FARP1: variants seen among roughly 807,000 people sequenced by gnomAD.
FARP1 encodes the protein FERM, ARHGEF and pleckstrin domain-containing protein 1.
FARP1 carries 52 observed loss-of-function variants against 128.8 expected under a neutral mutation model. That is an observed-to-expected ratio of 0.40 (90% confidence interval 0.32 to 0.51). FARP1 has a LOEUF of 0.51. Among genes scored for constraint, FARP1 ranks in the 20% least tolerant of loss-of-function variants. The probability of loss-of-function intolerance (pLI) is 0.45; values close to 1 mark genes in which losing one functional copy is unlikely to be tolerated. For synonymous variants in FARP1, 580 were observed against 551.8 expected (o/e 1.05, Z -0.72); for missense variants, 1,333 against 1,367.9 (o/e 0.97, Z 0.40).
chr13:98,441,012 T>G (rs1262420657), intron 24 of FARP1, among the ~76,000 whole-genome samples, 176 bp downstream of exon 24: 3 of 152,208 alleles, frequency 2.0e-5, no homozygotes, highest in Non-Finnish European at 4.4e-5. Context: ...GCCGGAGGTA[T>G]CCCTGCAGGG....
At chr13:98,424,496 G>A (rs1891705311) in intron 16 of FARP1, 76 bp from the exon 17 acceptor site, 1 of 902,992 alleles carries the variant, frequency 1.1e-6, no homozygotes, top group Non-Finnish European at 1.9e-6. Context: ...GGAAGCGGTA[G>A]GCTGATATTT....
At chr13:98,328,114 GGT>G (rs1445221704) in intron 2 of FARP1, 1 of 152,180 alleles carries the variant, frequency 6.6e-6, no homozygotes, top group Non-Finnish European at 1.5e-5. Context: ...CCCACAGGCT[GGT>G]GGAATGCTGG....
chr13:98,420,266 T>C (rs915615752), intron 16 of FARP1, among the ~76,000 whole-genome samples: 1 of 152,188 alleles, frequency 6.6e-6, no homozygotes, highest in African/African-American at 2.4e-5. Flanking sequence ...ACAAAAGTGT[T>C]TCCTGGCAGT....
intron 12 of FARP1, 81 bp from the exon 13 acceptor site, chr13:98,395,146 C>T: frequency 1.3e-6 from 2 of 1,486,952 alleles, no homozygotes; most frequent in Middle Eastern, 1.8e-4. Context: ...TCTTGCCTGG[C>T]TCTCCTTTTC....
intron 2 of FARP1, among the ~76,000 whole-genome samples, chr13:98,318,249 T>G (rs141946472): frequency 6.6e-6 from 1 of 151,770 alleles, no homozygotes; most frequent in Non-Finnish European, 1.5e-5. Flanking sequence ...TGTGGAGATA[T>G]GGTCTCCCTG....
chr13:98,178,639 G>A (rs969155668), intron 1 of FARP1, among the ~76,000 whole-genome samples: 6 of 152,030 alleles, frequency 3.9e-5, no homozygotes, highest in Non-Finnish European at 7.4e-5. Flanking sequence ...TCTAATTTAG[G>A]TTCTATCTCT....
rs145975295 is a variant in FARP1 at position 98,255,222 on chromosome 13, G to A, written c.171+41809G>A. 7.2e-3 allele frequency among the ~76,000 whole-genome samples: 1,097 copies of A among 152,160 alleles called. 4 individuals carry two copies. Among genetic ancestry groups the A allele is most frequent in the Middle Eastern group, 0.017 (5 of 294 alleles). ...AAATGTAAAAGTGGTTGCTGTGGCC[G>A]GGCACGGTGGCTCACGCCTGTAATC... is the stretch of plus-strand genomic sequence containing the variant. On this transcript the variant is annotated intron_variant, in intron 2 of 26. Transcript: ENST00000319562.
intron 2 of FARP1, chr13:98,245,286 A>C: frequency 1.0e-6 from 1 of 985,380 alleles, no homozygotes; most frequent in Non-Finnish European, 1.2e-6. Context: ...AAAGGCGAAT[A>C]AAGTCAGATC....
rs567821799 is a variant in FARP1 at position 98,431,072 on chromosome 13, C to T, written c.1935C>T (p.Ser645=). 48 of 1,613,840 alleles carry T rather than the reference C, an allele frequency of 3.0e-5. No individual in the cohort carries two copies. Among genetic ancestry groups the T allele is most frequent in the Non-Finnish European group, 3.6e-5 (43 of 1,179,908 alleles). Residue 645 remains serine, a synonymous_variant, in exon 18 of 27, where the codon AGC becomes AGT. Transcript: ENST00000319562. ...KHLAAHLWKH[S]EALEALENGI... ...TGGCGGCTCACCTGTGGAAGCACAG[C>T]GAGGCCTTGGAGGCCCTGGAGAATG...
rs1344930121 is a variant in FARP1, at chr13:98,379,065, TA to T, written c.496+1149del. Among the ~76,000 whole-genome samples the T allele has an allele frequency of 1.6e-4, 14 of 85,428 alleles. 4 individuals are homozygous for T. Among genetic ancestry groups the T allele is most frequent in the African/African-American group, 8.2e-4 (14 of 17,106 alleles). The allele number at this position is 85,428 out of a possible 152,430, so 56.0% of individuals were successfully genotyped here. A position where few individuals can be genotyped will look rare whatever the true frequency, so the allele number is the denominator to read the frequency against. ...CAATATGTAATCTATATATAATATATAATATATGTAATATGTAATCTATATA... is the reference window on the plus strand; with the variant it reads ...CAATATGTAATCTATATATAATATATATATATGTAATATGTAATCTATATA... On this transcript the variant is annotated intron_variant, in intron 6 of 26. Coordinates refer to ENST00000319562, the MANE Select transcript of FARP1 (RefSeq NM_005766.4).
At position 98,213,261 on chromosome 13, in the gene FARP1, A is replaced by G. The variant is rs369946560; in HGVS notation, c.19A>G (p.Arg7Gly). The change falls in exon 2 of 27, where the codon AGG becomes GGG. Residue 7 changes from arginine to glycine, a missense_variant. By Grantham distance (125) the Arg-to-Gly change is moderately radical (BLOSUM62 -2). Coordinates refer to ENST00000319562, the MANE Select transcript of FARP1 (RefSeq NM_005766.4). ...TTTCATCATGGGAGAAATAGAGCAG[A>G]GGCCGACCCCAGGATCACGACTGGG... MGEIEQ[R>G]PTPGSRLGAP... 4 of 1,613,286 alleles carry G rather than the reference A, an allele frequency of 2.5e-6. No homozygotes were observed. Among genetic ancestry groups the G allele is most frequent in the African/African-American group, 2.7e-5 (2 of 74,880 alleles).
At chr13:98,209,251 A>G (rs550770222) in intron 1 of FARP1, among the ~76,000 whole-genome samples, 68 of 151,520 alleles carry the variant, frequency 4.5e-4, no homozygotes, top group African/African-American at 1.5e-3. Context: ...CTCGTGATCC[A>G]CCCGCCTTGG....
intron 10 of FARP1, 149 bp downstream of exon 10, chr13:98,390,269 C>T: frequency 1.2e-6 from 1 of 830,816 alleles, no homozygotes; most frequent in Non-Finnish European, 1.9e-6. Flanking sequence ...TATCTTAATC[C>T]CAGTGGGCTC....
Position 98,446,486 on chromosome 13 carries a change from G to GGACTT in FARP1, c.2905-178_2905-174dup, listed in dbSNP as rs571876902. On this transcript the variant is annotated intron_variant, in intron 25 of 26. Coordinates refer to ENST00000319562, the MANE Select transcript of FARP1 (RefSeq NM_005766.4). Reference sequence around the variant, plus strand: ...CTTTATCTACAGCTCAGTCCTGGCGGGACTTGCCACCCGGGCCATCACGTA... The same window carrying GGACTT: ...CTTTATCTACAGCTCAGTCCTGGCGGGACTTGACTTGCCACCCGGGCCATCACGTA... 2.7e-3 allele frequency: 1,764 copies of GGACTT among 648,742 alleles called. 23 individuals are homozygous for GGACTT. The African/African-American group carries it at 0.029, about 11-fold the overall frequency. 40.2% of individuals were successfully genotyped at this position (648,742 alleles called of 1,614,324 possible). A position where few individuals can be genotyped will look rare whatever the true frequency, so the allele number is the denominator to read the frequency against.
Position 98,151,660 on chromosome 13 carries a change from CTT to C in FARP1, c.-24+8186_-24+8187del, listed in dbSNP as rs34250002. Among the ~76,000 whole-genome samples the C allele has an allele frequency of 1.4e-4, 10 of 69,226 alleles. 1 individual carries two copies. The highest frequency in any genetic ancestry group is 8.8e-4 in the Admixed American group (3 of 3,426). The allele number at this position is 69,226 out of a possible 152,430, so 45.4% of individuals were successfully genotyped here. On this transcript the variant is annotated intron_variant, in intron 1 of 26. Coordinates refer to ENST00000319562, the MANE Select transcript of FARP1 (RefSeq NM_005766.4). ...AAACCTGCCCTTATATATCTTCCAT[CTT>C]TTTTTTTTTTTTTTTTTGAGACGGA...
chr13:98,407,223 A>T (rs1057010340), intron 13 of FARP1: 8 of 152,720 alleles, frequency 5.2e-5, no homozygotes, highest in Admixed American at 5.2e-4. Flanking sequence ...ACGGTGGACA[A>T]ATAAAAAACA....
At chr13:98,427,677 G>A (rs1414246591) in intron 17 of FARP1, among the ~76,000 whole-genome samples, 14 of 151,516 alleles carry the variant, frequency 9.2e-5, no homozygotes, top group African/African-American at 1.2e-4. Context: ...CTAACCCAGC[G>A]CAGAAGACCA....
At chr13:98,371,359 G>A (rs1469355236) in intron 5 of FARP1, among the ~76,000 whole-genome samples, 2 of 151,656 alleles carry the variant, frequency 1.3e-5, no homozygotes, top group African/African-American at 4.8e-5. Context: ...GGTTACCATC[G>A]AGCCGCATGT....
At chr13:98,183,885 C>G (rs9556899) in intron 1 of FARP1, among the ~76,000 whole-genome samples, 16,996 of 152,084 alleles carry the variant, frequency 0.11, 1,852 homozygotes, top group East Asian at 0.59. Context: ...CACAGCCAGT[C>G]CCCTTAGCGC....
Sources: gnomAD v4.1 joint callset for allele counts (sites outside exome capture counted in the v4.1 genomes callset) on GRCh38, gnomAD v4.1.1 for gene constraint, MANE v1.5 for transcripts, NCBI Gene and HGNC (gene_info 2026-07-23, HGNC 2026-07-21) for gene names.